The following SDK1 variants were observed in gnomAD, a reference collection of about 807,000 sequenced individuals.
SDK1 encodes the protein protein sidekick-1.
SDK1 carries 157 observed loss-of-function variants against 245.5 expected under a neutral mutation model. That is an observed-to-expected ratio of 0.64 (90% confidence interval 0.56 to 0.73). The LOEUF (loss-of-function observed/expected upper bound fraction) is 0.73, where lower values mean the gene tolerates loss of function less well. Ranked by LOEUF, SDK1 falls within the 30% of genes least tolerant of loss-of-function variation. SDK1 has a pLI of 0.00. For missense variants in SDK1, 3,583 were observed against 3,002.3 expected (o/e 1.19, Z -4.52); for synonymous variants, 1,647 against 1,278.5 (o/e 1.29, Z -6.15).
intron 1 of SDK1, among the ~76,000 whole-genome samples, chr7:3,438,482 G>T (rs1780094770): frequency 6.6e-6 from 1 of 152,116 alleles, no homozygotes; most frequent in Non-Finnish European, 1.5e-5. Context: ...TATCTGTGCT[G>T]TCTACACAGT....
intron 1 of SDK1, among the ~76,000 whole-genome samples, chr7:3,457,142 G>C (rs1336976250): frequency 6.6e-6 from 1 of 152,056 alleles, no homozygotes; most frequent in African/African-American, 2.4e-5. Context: ...TGCTTACTTG[G>C]GTGTCGTTAC....
intron 5 of SDK1, among the ~76,000 whole-genome samples, chr7:3,919,957 G>A (rs774598159): frequency 6.6e-6 from 1 of 152,138 alleles, no homozygotes; most frequent in Non-Finnish European, 1.5e-5. Context: ...TGGGGTCACA[G>A]CAGAGGGGGC....
chr7:3,473,662 A>G (rs568320337), intron 1 of SDK1, among the ~76,000 whole-genome samples: 1 of 146,062 alleles, frequency 6.8e-6, no homozygotes, highest in Non-Finnish European at 1.5e-5. Context: ...TCCAGGTACT[A>G]ATACATCTTG....
In SDK1 at chr7:3,394,742, A is replaced by G. The variant is rs1023320200; in HGVS notation, c.298+92858A>G. Among the ~76,000 whole-genome samples the G allele has an allele frequency of 9.2e-5, 14 of 151,836 alleles. No homozygotes were observed. In the South Asian group the frequency reaches 1.0e-3, roughly 11 times the overall value. Reference sequence around the variant, plus strand: ...CAAGTCTTGTTCTTATGTTACCTTTATTTGTATGTACTTTTTTAATGCTAT... The same window carrying G: ...CAAGTCTTGTTCTTATGTTACCTTTGTTTGTATGTACTTTTTTAATGCTAT... On this transcript the variant is annotated intron_variant, in intron 1 of 44. Coordinates refer to ENST00000404826, the MANE Select transcript of SDK1 (RefSeq NM_152744.4).
chr7:4,027,427 G>A (rs924655161), intron 17 of SDK1, among the ~76,000 whole-genome samples: 10 of 152,174 alleles, frequency 6.6e-5, no homozygotes, highest in Admixed American at 1.3e-4. Flanking sequence ...GCACAGTCCC[G>A]TAGGGATACT....
chr7:3,347,454 C>G (rs1054162550), intron 1 of SDK1, among the ~76,000 whole-genome samples: 5 of 152,134 alleles, frequency 3.3e-5, no homozygotes, highest in African/African-American at 9.7e-5. Flanking sequence ...AACAAAATAA[C>G]TTTTCACCTA....
rs62439579 is a variant in SDK1, at chr7:3,899,673, C to T, written c.848-51250C>T. Reference sequence around the variant, plus strand: ...CCAAGCTGCACCAGCTCCACAGGCACGCCTGCCACGCAGCCCCGTGGAAGC... The same window carrying T: ...CCAAGCTGCACCAGCTCCACAGGCATGCCTGCCACGCAGCCCCGTGGAAGC... On this transcript the variant is annotated intron_variant, in intron 5 of 44. Coordinates refer to ENST00000404826, the MANE Select transcript of SDK1 (RefSeq NM_152744.4). 5.5e-3 allele frequency among the ~76,000 whole-genome samples: 840 copies of T among 152,356 alleles called. 7 individuals carry two copies. The highest frequency in any genetic ancestry group is 0.031 in the Middle Eastern group (9 of 294).
At chr7:3,912,965 G>T (rs531590740) in intron 5 of SDK1, among the ~76,000 whole-genome samples, 4 of 152,248 alleles carry the variant, frequency 2.6e-5, no homozygotes, top group South Asian at 2.1e-4. Flanking sequence ...GTGGAGGGCC[G>T]AAGGCAAGCA....
intron 20 of SDK1, among the ~76,000 whole-genome samples, chr7:4,069,710 C>T (rs960719878): frequency 9.2e-5 from 14 of 152,202 alleles, no homozygotes; most frequent in South Asian, 2.1e-4. Flanking sequence ...GGTTGGGGGC[C>T]GTTTCTTCTC....
In SDK1 at chr7:4,233,420, G is replaced by T. The variant is rs374101188; in HGVS notation, c.5992+1G>T. 1.2e-6 allele frequency: 2 copies of T among 1,610,998 alleles called. No homozygotes were observed. The highest frequency in any genetic ancestry group is 1.7e-6 in the Non-Finnish European group (2 of 1,179,666). ...AGCAACCCCTCCACGGCTGTGTCAG[G>T]TAGGCCCTCCCAGGGAGGTCTGTCT... On this transcript the variant is annotated splice_donor_variant, in intron 41 of 44. Coordinates refer to ENST00000404826, the MANE Select transcript of SDK1 (RefSeq NM_152744.4). LOFTEE classifies it high-confidence loss of function.
chr7:4,132,237 C>T (rs1784877755), intron 27 of SDK1, 88 bp from the exon 28 acceptor site: 2 of 1,045,232 alleles, frequency 1.9e-6, no homozygotes, highest in African/African-American at 1.6e-5. Flanking sequence ...GTTACTGCAG[C>T]CAGCTGACCC....
chr7:3,638,231 C>T (rs547084836), intron 2 of SDK1, among the ~76,000 whole-genome samples: 12 of 152,158 alleles, frequency 7.9e-5, no homozygotes, highest in East Asian at 5.8e-4. Flanking sequence ...GGTATCAGTG[C>T]GATAATCTCA....
chr7:3,437,523 G>C (rs754616321), intron 1 of SDK1, among the ~76,000 whole-genome samples: 3 of 152,142 alleles, frequency 2.0e-5, no homozygotes, highest in Non-Finnish European at 2.9e-5. Flanking sequence ...TGTAATCTCA[G>C]AGCTTTGGGA....
At chr7:3,810,903 G>A (rs909345996) in intron 4 of SDK1, among the ~76,000 whole-genome samples, 18 of 152,272 alleles carry the variant, frequency 1.2e-4, no homozygotes, top group African/African-American at 4.3e-4. Context: ...TTGAGCAGAT[G>A]GGCTTTGTTT....
chr7:3,539,120 C>G (rs1020708554), intron 1 of SDK1, among the ~76,000 whole-genome samples: 1 of 152,204 alleles, frequency 6.6e-6, no homozygotes, highest in Admixed American at 6.5e-5. Context: ...GCTCTGTCTT[C>G]TTTCCTCATG....
chr7:4,106,680 A>G (rs937491284), intron 22 of SDK1, among the ~76,000 whole-genome samples: 9 of 152,100 alleles, frequency 5.9e-5, no homozygotes, highest in African/African-American at 2.2e-4. Context: ...AAACCCGATG[A>G]GCCTGGCTGC....
intron 4 of SDK1, among the ~76,000 whole-genome samples, chr7:3,791,992 G>A (rs1781108191): frequency 6.6e-6 from 1 of 152,048 alleles, no homozygotes; most frequent in Non-Finnish European, 1.5e-5. Flanking sequence ...GCCAGATGTA[G>A]TGGTTCATGC....
At chr7:4,132,636 G>A (rs1173773658) in intron 28 of SDK1, 2 of 468,082 alleles carry the variant, frequency 4.3e-6, no homozygotes, top group African/African-American at 3.9e-5. Context: ...GCTAAGGTGG[G>A]AGGATCGCTT....
chr7:3,310,425 G>C (rs1014887967), intron 1 of SDK1, among the ~76,000 whole-genome samples: 1 of 152,184 alleles, frequency 6.6e-6, no homozygotes, highest in African/African-American at 2.4e-5. Flanking sequence ...TGGGCTAGGT[G>C]GTGGTGCTGG....
Sources: gnomAD v4.1 joint callset for allele counts (sites outside exome capture counted in the v4.1 genomes callset) on GRCh38, gnomAD v4.1.1 for gene constraint, MANE v1.5 for transcripts, NCBI Gene and HGNC (gene_info 2026-07-23, HGNC 2026-07-21) for gene names.